Variants in NR2F1-AS1 observed in about 807,000 individuals in gnomAD.
NR2F1-AS1 encodes NR2F1 regulatory antisense RNA 1, also known as NR2F1 antisense RNA 1.
At chr5:93,442,935 G>C (rs1333172955) in intron 4 of NR2F1-AS1, among the ~76,000 whole-genome samples, 1 of 152,224 alleles carries the variant, frequency 6.6e-6, no homozygotes, top group Non-Finnish European at 1.5e-5. Context: ...AACAGGGTCT[G>C]GAGTGGACCT....
chr5:93,466,017 T>C (rs1038947459), intron 4 of NR2F1-AS1, among the ~76,000 whole-genome samples: 4 of 151,844 alleles, frequency 2.6e-5, no homozygotes, highest in African/African-American at 9.7e-5. Context: ...GGCACATGTA[T>C]ACATATGTAA....
intron 4 of NR2F1-AS1, among the ~76,000 whole-genome samples, chr5:93,428,592 A>G (rs1260452939): frequency 6.6e-6 from 1 of 152,188 alleles, no homozygotes; most frequent in African/African-American, 2.4e-5. Context: ...GTATTTTAAA[A>G]TCCAAGTGTA....
intron 1 of NR2F1-AS1, among the ~76,000 whole-genome samples, chr5:93,564,837 T>G (rs1285231536): frequency 6.6e-6 from 1 of 152,196 alleles, no homozygotes; most frequent in African/African-American, 2.4e-5. Context: ...CCTCATTATA[T>G]CTAAACTACT....
intron 4 of NR2F1-AS1, among the ~76,000 whole-genome samples, chr5:93,428,093 C>T (rs1749233928): frequency 6.6e-6 from 1 of 152,150 alleles, no homozygotes; most frequent in Admixed American, 6.5e-5. Flanking sequence ...CAAATAATTG[C>T]CTAAATCCAT....
intron 1 of NR2F1-AS1, among the ~76,000 whole-genome samples, chr5:93,573,284 G>T (rs1161443711): frequency 2.0e-5 from 3 of 152,176 alleles, no homozygotes; most frequent in Non-Finnish European, 4.4e-5. Context: ...CCCGGCAGCG[G>T]GCCTCCAGAA....
rs142247961 is a variant in NR2F1-AS1, at chr5:93,482,239, A to G, written n.638+71522T>C. Among the ~76,000 whole-genome samples, 542 of 152,232 alleles carry G rather than the reference A, an allele frequency of 3.6e-3. 17 individuals are homozygous for G. Among genetic ancestry groups the G allele is most frequent in the Admixed American group, 0.033 (504 of 15,292 alleles). ...GGAGGCAGGTGATTTATGCATTTTCAACTGAGGTACCTGACTCATCTCATT... is the reference window on the plus strand; with the variant it reads ...GGAGGCAGGTGATTTATGCATTTTCGACTGAGGTACCTGACTCATCTCATT... On this transcript the variant is annotated intron_variant and non_coding_transcript_variant, in intron 4 of 5. Transcript: ENST00000660523.
intron 4 of NR2F1-AS1, among the ~76,000 whole-genome samples, chr5:93,466,955 T>G: frequency 7.6e-6 from 1 of 130,770 alleles, no homozygotes; most frequent in Non-Finnish European, 1.6e-5. Flanking sequence ...GGCTGGAGTG[T>G]AGTGGCACAA....
intron 3 of NR2F1-AS1, chr5:93,553,886 G>C (rs1027794839): frequency 4.6e-5 from 7 of 151,880 alleles, no homozygotes; most frequent in Non-Finnish European, 1.0e-4. Context: ...TATTACCAGT[G>C]GTCACAGAAA....
chr5:93,485,293 A>G (rs576404594), intron 4 of NR2F1-AS1, among the ~76,000 whole-genome samples: 1 of 152,372 alleles, frequency 6.6e-6, no homozygotes, highest in East Asian at 1.9e-4. Context: ...ATTAGAACTC[A>G]GGATTAAGAA....
At chr5:93,492,498 A>G (rs1750872405) in intron 4 of NR2F1-AS1, among the ~76,000 whole-genome samples, 1 of 152,170 alleles carries the variant, frequency 6.6e-6, no homozygotes, top group Non-Finnish European at 1.5e-5. Context: ...TCCTTCTCAA[A>G]CTTTTCCAAT....
intron 2 of NR2F1-AS1, among the ~76,000 whole-genome samples, chr5:93,562,156 T>G (rs1296760538): frequency 8.8e-6 from 1 of 113,326 alleles, no homozygotes; most frequent in Non-Finnish European, 1.7e-5. Context: ...AAGGCCAGCC[T>G]GGGCAACATA....
At chr5:93,512,291 A>C (rs1751314314) in intron 4 of NR2F1-AS1, among the ~76,000 whole-genome samples, 1 of 152,172 alleles carries the variant, frequency 6.6e-6, no homozygotes, top group South Asian at 2.1e-4. Flanking sequence ...AAAATTAAAA[A>C]TAGGGGAAAA....
At chr5:93,441,620 G>A (rs946976478) in intron 4 of NR2F1-AS1, among the ~76,000 whole-genome samples, 1 of 152,152 alleles carries the variant, frequency 6.6e-6, no homozygotes, top group Non-Finnish European at 1.5e-5. Flanking sequence ...TTTAGATATG[G>A]AAAACAAAGT....
At chr5:93,464,789 T>G (rs573781740) in intron 4 of NR2F1-AS1, among the ~76,000 whole-genome samples, 1 of 152,330 alleles carries the variant, frequency 6.6e-6, no homozygotes, top group South Asian at 2.1e-4. Flanking sequence ...AAACAATATT[T>G]ACTGAATTGG....
At chr5:93,445,680 A>C (rs912347195) in intron 4 of NR2F1-AS1, among the ~76,000 whole-genome samples, 5 of 152,210 alleles carry the variant, frequency 3.3e-5, no homozygotes, top group African/African-American at 1.2e-4. Flanking sequence ...AAAAGAGGGA[A>C]TCCTCCCTAA....
intron 4 of NR2F1-AS1, among the ~76,000 whole-genome samples, chr5:93,496,741 T>G (rs1750967881): frequency 1.3e-5 from 2 of 152,216 alleles, no homozygotes; most frequent in Non-Finnish European, 1.5e-5. Context: ...TTGCTCTTGT[T>G]AATTGATATT....
intron 4 of NR2F1-AS1, among the ~76,000 whole-genome samples, chr5:93,506,560 T>C (rs547224583): frequency 1.3e-5 from 2 of 152,326 alleles, no homozygotes; most frequent in South Asian, 2.1e-4. Context: ...CTCAGAATCA[T>C]GGCAGGTGGT....
chr5:93,481,507 A>C (rs1050670158), intron 4 of NR2F1-AS1, among the ~76,000 whole-genome samples: 18 of 152,246 alleles, frequency 1.2e-4, no homozygotes, highest in African/African-American at 4.3e-4. Flanking sequence ...TAGAACACAC[A>C]GAAAATAAAT....
intron 4 of NR2F1-AS1, among the ~76,000 whole-genome samples, chr5:93,521,640 A>C (rs1484441004): frequency 6.6e-6 from 1 of 152,360 alleles, no homozygotes; most frequent in East Asian, 1.9e-4. Context: ...CATTAGAGAA[A>C]TGCAAATCAA....
Sources: gnomAD v4.1 joint callset for allele counts (sites outside exome capture counted in the v4.1 genomes callset) on GRCh38, gnomAD v4.1.1 for gene constraint, MANE v1.5 for transcripts, NCBI Gene and HGNC (gene_info 2026-07-23, HGNC 2026-07-21) for gene names.